SYNE1: variants seen among roughly 807,000 people sequenced by gnomAD.
The protein encoded by SYNE1 is nesprin-1.
Under a neutral mutation model 1,111.0 loss-of-function variants are expected in SYNE1, and 616 were observed. The ratio of observed to expected loss-of-function variants is 0.55; its 90% CI spans 0.52 to 0.59. SYNE1 has a LOEUF of 0.59. SYNE1 is among the 20% of genes least tolerant of loss of function. The probability of loss-of-function intolerance (pLI) is 0.00; values close to 1 mark genes in which losing one functional copy is unlikely to be tolerated. For missense variants in SYNE1, 10,006 were observed against 10,417.0 expected, an observed-to-expected ratio of 0.96 and a Z score of 1.72; for synonymous variants, 3,855 against 3,825.8, an observed-to-expected ratio of 1.01 and a Z score of -0.28.
intron 98 of SYNE1, among the ~76,000 whole-genome samples, chr6:152,276,195 C>T (rs1191674745): frequency 6.6e-6 from 1 of 151,756 alleles, no homozygotes; most frequent in Non-Finnish European, 1.5e-5. Context: ...CCACCACACC[C>T]GGCTAATTTT....
intron 140 of SYNE1, among the ~76,000 whole-genome samples, chr6:152,137,883 G>C (rs539268314): frequency 1.3e-5 from 2 of 152,172 alleles, no homozygotes; most frequent in African/African-American, 2.4e-5. Context: ...AGCATCAGGA[G>C]AAAGTACAAA....
intron 3 of SYNE1, among the ~76,000 whole-genome samples, chr6:152,559,447 A>C (rs1303345326): frequency 6.6e-6 from 1 of 152,134 alleles, no homozygotes; most frequent in Non-Finnish European, 1.5e-5. Flanking sequence ...CTCTTTTCTG[A>C]CCACAAAAAA....
Position 152,318,923 on chromosome 6 carries a change from A to G in SYNE1, c.16329T>C (p.Thr5443=). Residue 5443 remains threonine (T), a synonymous_variant, in exon 85 of 146, where the codon ACT becomes ACC. Transcript: ENST00000367255. ...TCTTCGCTTTCAGCTTAGTTAGAAT[A>G]GTTGTGAGGTCTTTAGCTAACTTCT... The part of the protein sequence containing the change: ...QIQKLAKDLT[T]ILTKLKAKTD... The G allele has an allele frequency of 6.2e-7, 1 of 1,614,212 alleles. No homozygotes were observed. The highest frequency in any genetic ancestry group is 8.5e-7 in the Non-Finnish European group (1 of 1,180,044).
Position 152,293,492 on chromosome 6 carries a change from T to G in SYNE1, c.18012+96A>C, listed in dbSNP as rs1562841646. 4.9e-6 allele frequency: 7 copies of G among 1,437,534 alleles called. No homozygotes were observed. In the South Asian group the frequency reaches 8.1e-5, roughly 17 times the overall value. 89.0% of individuals were successfully genotyped at this position (1,437,534 alleles called of 1,614,324 possible). A position where few individuals can be genotyped will look rare whatever the true frequency, so the allele number is the denominator to read the frequency against. On this transcript the variant is annotated intron_variant, in intron 95 of 145. Coordinates refer to ENST00000367255, the MANE Select transcript of SYNE1 (RefSeq NM_182961.4). ...ATAAGGTTAAAAAATTTTTAAAAAG[T>G]CACCTGGCTGTCTCAAACACATGCC...
At chr6:152,301,760 CT>C in intron 92 of SYNE1, 108 bp downstream of exon 92, 3 of 1,230,632 alleles carry the variant, frequency 2.4e-6, no homozygotes, top group Non-Finnish European at 3.3e-6. Flanking sequence ...CCCTCTGAAT[CT>C]GCAAGATCGA....
chr6:152,413,290 T>C (rs995320337), intron 42 of SYNE1, 62 bp downstream of exon 42: 5 of 1,546,552 alleles, frequency 3.2e-6, no homozygotes, highest in Non-Finnish European at 3.6e-6. Context: ...AAACAGGCAA[T>C]GTCCCAATGT....
At chr6:152,149,899 C>T (rs1015887787) in intron 135 of SYNE1, among the ~76,000 whole-genome samples, 4 of 152,056 alleles carry the variant, frequency 2.6e-5, no homozygotes, top group Non-Finnish European at 4.4e-5. Context: ...ATCAGAAAAG[C>T]GCTTTTGGCT....
intron 145 of SYNE1, chr6:152,126,030 G>A (rs1443054492): frequency 1.3e-5 from 2 of 152,290 alleles, no homozygotes; most frequent in African/African-American, 2.4e-5. Flanking sequence ...GGACTCCTAT[G>A]TTGGAGTCTG....
At chr6:152,608,961 G>C (rs2099623694) in intron 3 of SYNE1, among the ~76,000 whole-genome samples, 1 of 151,752 alleles carries the variant, frequency 6.6e-6, no homozygotes, top group Non-Finnish European at 1.5e-5. Flanking sequence ...AAAAATCAGA[G>C]TTAGACAAGC....
chr6:152,372,949 G>A, intron 59 of SYNE1, 88 bp downstream of exon 59: 3 of 1,401,940 alleles, frequency 2.1e-6, no homozygotes, highest in East Asian at 2.3e-5. Context: ...TGACAAGGGG[G>A]CTTTGATATA....
At position 152,510,314 on chromosome 6, in the gene SYNE1, A is replaced by G. The variant is rs767698175; in HGVS notation, c.460T>C (p.Ser154Pro). ...QLQSLSSSAS[S>P]VDSIVSSETP... ...TCAGAGCTAACTATGCTGTCCACGG[A>G]GGATGCGCTGCTGGACAAAGACTGG... The change falls in exon 8 of 146, where the codon TCC becomes CCC. Residue 154 changes from serine to proline, a missense_variant. Physicochemically the swap from Ser to Pro is moderately conservative, Grantham distance 74 (BLOSUM62 -1). Coordinates refer to ENST00000367255, the MANE Select transcript of SYNE1 (RefSeq NM_182961.4). The G allele has an allele frequency of 1.1e-5, 17 of 1,614,064 alleles. No homozygotes were observed. In the South Asian group the frequency reaches 1.8e-4, roughly 17 times the overall value.
At chr6:152,530,118 C>G (rs1455540095) in intron 4 of SYNE1, among the ~76,000 whole-genome samples, 1 of 152,146 alleles carries the variant, frequency 6.6e-6, no homozygotes, top group Non-Finnish European at 1.5e-5. Flanking sequence ...CAGAAGCCAG[C>G]CAAGGTCTAT....
chr6:152,587,755 T>C (rs542256598), intron 3 of SYNE1, among the ~76,000 whole-genome samples: 6 of 152,314 alleles, frequency 3.9e-5, no homozygotes, highest in Admixed American at 1.3e-4. Flanking sequence ...TAGATTGTGG[T>C]GGCAGGCAGC....
In SYNE1 at chr6:152,449,525, G is replaced by A; in HGVS notation, c.3504+8C>T. The A allele has an allele frequency of 6.2e-7, 1 of 1,606,656 alleles. No homozygotes were observed. The highest frequency in any genetic ancestry group is 8.5e-7 in the Non-Finnish European group (1 of 1,173,268). ...TTTTCCTCTAGCAAATAATGACCCT[G>A]AACTTACTTCAACGGCACGTTTAAC... On this transcript the variant is annotated splice_region_variant and intron_variant, in intron 28 of 145. Transcript: ENST00000367255.
intron 6 of SYNE1, among the ~76,000 whole-genome samples, chr6:152,512,183 T>C (rs2099088456): frequency 6.6e-6 from 1 of 152,102 alleles, no homozygotes; most frequent in African/African-American, 2.4e-5. Context: ...AGAGGTGGAG[T>C]AAAAGCTAGC....
intron 3 of SYNE1, among the ~76,000 whole-genome samples, chr6:152,593,024 T>C (rs1278585164): frequency 6.6e-6 from 1 of 152,228 alleles, no homozygotes; most frequent in Admixed American, 6.5e-5. Flanking sequence ...TTATCTTTCT[T>C]AAATGTATGT....
At position 152,330,778 on chromosome 6, in the gene SYNE1, A is replaced by G; in HGVS notation, c.13907T>C (p.Val4636Ala). ...GQTILPSLNE[V>A]DHSYLSEKLN... ...CTTTTCACTGAGGTAGGAATGATCG[A>G]CTTCATTCAGCGATGGTAATATGGT... Residue 4636 changes from valine (V) to alanine (A), a missense_variant, in exon 78 of 146, where the codon GTC (valine) becomes GCC (alanine). By Grantham distance (64) the Val-to-Ala change is moderately conservative. Around this residue, in one of 7 missense-constraint regions of SYNE1, gnomAD observed 4,955 missense variants for 5,017.2 expected, o/e 0.99. Coordinates refer to ENST00000367255, the MANE Select transcript of SYNE1 (RefSeq NM_182961.4). 6.2e-7 allele frequency: 1 copy of G among 1,613,938 alleles called. No individual in the cohort carries two copies. The highest frequency in any genetic ancestry group is 8.5e-7 in the Non-Finnish European group (1 of 1,180,030).
intron 130 of SYNE1, among the ~76,000 whole-genome samples, chr6:152,164,984 G>A (rs1274178011): frequency 2.0e-5 from 3 of 152,256 alleles, no homozygotes; most frequent in Middle Eastern, 3.4e-3. Context: ...TAAGACTCTA[G>A]GTTTGTGATA....
rs1382698258 is a variant in SYNE1 at position 152,376,789 on chromosome 6, T to C, written c.9133A>G (p.Lys3045Glu). 6.2e-7 allele frequency: 1 copy of C among 1,613,900 alleles called. No individual in the cohort carries two copies. Among genetic ancestry groups the C allele is most frequent in the Non-Finnish European group, 8.5e-7 (1 of 1,180,012 alleles). Residue 3045 changes from lysine to glutamate, a missense_variant, in exon 57 of 146, where the codon AAA (lysine) becomes GAA (glutamate). Physicochemically the swap from Lys to Glu is moderately conservative, Grantham distance 56. Around this residue, in one of 7 missense-constraint regions of SYNE1, gnomAD observed 4,955 missense variants for 5,017.2 expected, o/e 0.99. Transcript: ENST00000367255. ...GTTCATGCTCACCAATTATACTCTT[T>C]AATCAAGCCAGAAACTTTTCCACTG... ...TYSGKVSGLI[K>E]EYNCLCLQAS...
Sources: allele counts gnomAD v4.1 joint callset (sites outside exome capture counted in the v4.1 genomes callset), GRCh38; gene constraint gnomAD v4.1.1; regional missense constraint gnomAD v4.1.1; transcripts MANE v1.5; gene names NCBI Gene and HGNC (gene_info 2026-07-23, HGNC 2026-07-21).